The following UBE2F variants were observed in gnomAD, a reference collection of about 807,000 sequenced individuals.
UBE2F encodes NEDD8-conjugating enzyme UBE2F.
A neutral mutation model predicts 29.6 loss-of-function variants in UBE2F; 5 were observed. That is an observed-to-expected ratio of 0.17 (90% CI 0.09 to 0.36). The LOEUF (loss-of-function observed/expected upper bound fraction) is 0.36. Ranked by LOEUF, UBE2F falls within the 10% of genes least tolerant of loss-of-function variation. The pLI is 1.00. For synonymous variants in UBE2F, 66 were observed against 81.8 expected (o/e 0.81, Z 1.04); for missense variants, 141 against 228.5 (o/e 0.62, Z 2.47).
intron 6 of UBE2F, among the ~76,000 whole-genome samples, chr2:238,027,353 A>G (rs771781676): frequency 6.6e-6 from 1 of 152,228 alleles, no homozygotes; most frequent in Non-Finnish European, 1.5e-5. Context: ...GGTGATTCAT[A>G]AAAGGAGAAA....
Position 238,041,430 on chromosome 2 carries a change from T to C in UBE2F, c.*92T>C, listed in dbSNP as rs569305376. On this transcript the variant is annotated 3_prime_UTR_variant, in exon 10 of 10. Transcript: ENST00000272930. The stretch of plus-strand genomic sequence containing the variant: ...GTAGCCCCCTCTCCCGTCCTCATGC[T>C]CCCTCTCAGTCCCCTGGATTGCCCC... 290 of 1,303,124 alleles carry C rather than the reference T, an allele frequency of 2.2e-4. 3 individuals carry two copies. The South Asian group carries it at 3.0e-3, about 13-fold the overall frequency. The allele number at this position is 1,303,124 out of a possible 1,614,324, so 80.7% of individuals were successfully genotyped here.
chr2:238,029,810 C>T (rs1368043651), intron 6 of UBE2F, among the ~76,000 whole-genome samples: 3 of 152,168 alleles, frequency 2.0e-5, no homozygotes, highest in Non-Finnish European at 4.4e-5. Flanking sequence ...GCTCTCTTCA[C>T]GGGTGGTTAT....
At chr2:237,970,857 C>T (rs940716064) in intron 1 of UBE2F, among the ~76,000 whole-genome samples, 5 of 152,122 alleles carry the variant, frequency 3.3e-5, no homozygotes, top group South Asian at 2.1e-4. Context: ...TACAGGCACC[C>T]GCCACCATGC....
At chr2:237,980,329 A>G (rs773992132) in intron 2 of UBE2F, among the ~76,000 whole-genome samples, 25 of 152,184 alleles carry the variant, frequency 1.6e-4, no homozygotes, top group Non-Finnish European at 2.6e-4. Flanking sequence ...AACAATAGGC[A>G]TGTGTTTCCC....
At chr2:237,983,438 C>A (rs1200410463) in intron 2 of UBE2F, among the ~76,000 whole-genome samples, 1 of 152,198 alleles carries the variant, frequency 6.6e-6, no homozygotes, top group Non-Finnish European at 1.5e-5. Context: ...TATACCTGGG[C>A]CCTAGAATGA....
intron 4 of UBE2F, among the ~76,000 whole-genome samples, chr2:238,000,023 G>A (rs563650493): frequency 3.3e-5 from 5 of 151,964 alleles, no homozygotes; most frequent in Non-Finnish European, 5.9e-5. Context: ...CAGGTTTCAC[G>A]ATGTTGGCCA....
intron 9 of UBE2F, among the ~76,000 whole-genome samples, chr2:238,038,429 G>A (rs369659714): frequency 8.0e-4 from 122 of 152,302 alleles, no homozygotes; most frequent in African/African-American, 2.8e-3. Flanking sequence ...TTGGTACTGC[G>A]CTGACAAGCC....
intron 3 of UBE2F, among the ~76,000 whole-genome samples, chr2:237,990,800 A>G (rs2063572780): frequency 6.6e-6 from 1 of 150,390 alleles, no homozygotes; most frequent in Non-Finnish European, 1.5e-5. Flanking sequence ...ATTTTTTTGT[A>G]GAGATGGAGT....
intron 2 of UBE2F, among the ~76,000 whole-genome samples, chr2:237,981,095 G>A (rs1456054332): frequency 5.3e-5 from 8 of 152,188 alleles, no homozygotes; most frequent in African/African-American, 1.4e-4. Flanking sequence ...CAGAAATGCC[G>A]GGTCACATCT....
At chr2:237,990,858 C>T (rs760869861) in intron 3 of UBE2F, among the ~76,000 whole-genome samples, 6 of 152,102 alleles carry the variant, frequency 3.9e-5, no homozygotes, top group Non-Finnish European at 4.4e-5. Context: ...TCAAGTGATC[C>T]TCCCACCTTG....
intron 2 of UBE2F, chr2:237,986,130 A>G: frequency 2.9e-6 from 1 of 345,456 alleles, no homozygotes; most frequent in Non-Finnish European, 5.4e-6. Context: ...TTCATAGACT[A>G]CCTTTTCTTT....
At chr2:237,975,107 T>C (rs182030398) in intron 2 of UBE2F, among the ~76,000 whole-genome samples, 6,033 of 118,014 alleles carry the variant, frequency 0.051, 366 homozygotes, top group East Asian at 0.21. Flanking sequence ...TCTTTAAAAT[T>C]TTTTTTTTTT....
intron 4 of UBE2F, among the ~76,000 whole-genome samples, chr2:238,014,353 G>A (rs2064108545): frequency 6.6e-6 from 1 of 152,088 alleles, no homozygotes; most frequent in Admixed American, 6.5e-5. Context: ...TCATGAAAGA[G>A]AAAAAAATAA....
At chr2:238,013,033 T>TG (rs2064074179) in intron 4 of UBE2F, among the ~76,000 whole-genome samples, 1 of 152,098 alleles carries the variant, frequency 6.6e-6, no homozygotes, top group South Asian at 2.1e-4. Context: ...CCCAGCACTT[T>TG]GGGGAGGCCA....
Position 237,987,980 on chromosome 2 carries a change from G to A in UBE2F, c.136G>A (p.Ala46Thr). ...LLVKEVAELE[A>T]NLPCTCKVHF... ...TTCTACAGAGGTTGCAGAACTTGAA[G>A]CTAATTTACCTTGTAAGTATAGCAT... Residue 46 changes from alanine to threonine, a missense_variant, in exon 3 of 10, where the codon GCT (alanine) becomes ACT (threonine). Coordinates refer to ENST00000272930, the MANE Select transcript of UBE2F (RefSeq NM_080678.3). The A allele has an allele frequency of 6.6e-7, 1 of 1,508,402 alleles. No individual in the cohort carries two copies. The highest frequency in any genetic ancestry group is 1.8e-4 in the Middle Eastern group (1 of 5,666). The allele number at this position is 1,508,402 out of a possible 1,614,324, so 93.4% of individuals were successfully genotyped here. A position where few individuals can be genotyped will look rare whatever the true frequency, so the allele number is the denominator to read the frequency against.
In UBE2F at chr2:237,994,805, C is replaced by T; in HGVS notation, c.210C>T (p.Thr70=). The change falls in exon 4 of 10, where the codon ACC becomes ACT. Residue 70 remains threonine, a synonymous_variant. Transcript: ENST00000272930. ...NKLHCFQLTV[T]PDEGYYQGGK... is the part of the protein sequence containing the mutation. ...TTCATTGTTTTCAGCTAACAGTAAC[C>T]CCAGGTAATATTCTTACATAAGTAT... 1 of 1,613,356 alleles carries T rather than the reference C, an allele frequency of 6.2e-7. No individual in the cohort carries two copies. The highest frequency in any genetic ancestry group is 8.5e-7 in the Non-Finnish European group (1 of 1,179,360).
intron 6 of UBE2F, among the ~76,000 whole-genome samples, chr2:238,026,442 CT>C (rs1237301525): frequency 2.0e-5 from 3 of 151,240 alleles, no homozygotes; most frequent in African/African-American, 4.9e-5. Flanking sequence ...ATCCCTTTCT[CT>C]TTTTTTTTGA....
intron 9 of UBE2F, among the ~76,000 whole-genome samples, chr2:238,038,833 G>A (rs113454948): frequency 7.9e-4 from 120 of 152,366 alleles, no homozygotes; most frequent in African/African-American, 2.9e-3. Flanking sequence ...TATTTGGCTG[G>A]TGACCACTTA....
In UBE2F at chr2:237,986,991, C is replaced by G. The variant is rs954564869; in HGVS notation, c.119-972C>G. ...TTTCGGGGTGTTTTGTGATTCCAGA[C>G]AAATTTTAGAATTGTTTTTTTAATT... On this transcript the variant is annotated intron_variant, in intron 2 of 9. Coordinates refer to ENST00000272930, the MANE Select transcript of UBE2F (RefSeq NM_080678.3). 3.9e-4 allele frequency among the ~76,000 whole-genome samples: 60 copies of G among 152,052 alleles called. 1 individual carries two copies. Among genetic ancestry groups the G allele is most frequent in the African/African-American group, 1.4e-3 (60 of 41,408 alleles).
Sources: allele counts gnomAD v4.1 joint callset (sites outside exome capture counted in the v4.1 genomes callset), GRCh38; gene constraint gnomAD v4.1.1; transcripts MANE v1.5; gene names NCBI Gene and HGNC (gene_info 2026-07-23, HGNC 2026-07-21).